Variants in PTPRZ1 observed in about 807,000 individuals in gnomAD.
PTPRZ1 encodes receptor-type tyrosine-protein phosphatase zeta.
Under a neutral mutation model 214.1 loss-of-function variants are expected in PTPRZ1, and 82 were observed. The observed-to-expected ratio is 0.38, with a 90% CI of 0.32 to 0.46. The LOEUF is 0.46. PTPRZ1 is among the 20% of genes least tolerant of loss of function. The pLI, the probability that PTPRZ1 is intolerant of heterozygous loss-of-function variation, is 1.00. For missense variants in PTPRZ1, 2,603 were observed against 2,748.7 expected, an observed-to-expected ratio of 0.95 and a Z score of 1.19; for synonymous variants, 945 against 987.9, an observed-to-expected ratio of 0.96 and a Z score of 0.81.
intron 13 of PTPRZ1, among the ~76,000 whole-genome samples, chr7:122,025,296 G>A (rs1438444098): frequency 6.6e-6 from 1 of 151,060 alleles, no homozygotes; most frequent in East Asian, 1.9e-4. Context: ...GATTGATTAG[G>A]TGTATTTTTC....
intron 3 of PTPRZ1, among the ~76,000 whole-genome samples, chr7:121,968,645 TTTA>T (rs1288512319): frequency 3.0e-5 from 4 of 131,704 alleles, no homozygotes; most frequent in Admixed American, 7.9e-5. Flanking sequence ...TTTTTTTTTT[TTTA>T]AAAAAAAGCA....
At chr7:121,987,754 C>T (rs1797801835) in intron 8 of PTPRZ1, among the ~76,000 whole-genome samples, 1 of 151,978 alleles carries the variant, frequency 6.6e-6, no homozygotes, top group Admixed American at 6.6e-5. Context: ...GTGCTAGTCA[C>T]AATAGCAAAG....
rs1451120109 is a variant in PTPRZ1, at chr7:121,968,085, A to G, written c.259A>G (p.Lys87Glu). 1.2e-6 allele frequency: 2 copies of G among 1,606,782 alleles called. No individual in the cohort carries two copies. Among genetic ancestry groups the G allele is most frequent in the Non-Finnish European group, 1.7e-6 (2 of 1,177,006 alleles). Reference protein sequence around the residue: ...LKKLKFQGWDKTSLENTFIHN... With the variant: ...LKKLKFQGWDETSLENTFIHN... ...GAAACTTAAATTTCAGGGTTGGGAT[A>G]AAACATCATTGGAAAACACATTCAT... Residue 87 changes from lysine (K) to glutamate (E), a missense_variant, in exon 3 of 30, where the codon AAA becomes GAA. This residue lies in a region of PTPRZ1 where 141 missense variants were observed against 143.7 expected (regional missense o/e 0.98). Coordinates refer to ENST00000393386, the MANE Select transcript of PTPRZ1 (RefSeq NM_002851.3).
In PTPRZ1 at chr7:122,013,351, T is replaced by C. The variant is rs748572193; in HGVS notation, c.4305T>C (p.Asp1435=). The part of the protein sequence containing the change: ...GDDDDDDRGS[D]GLSIHKCMSC... ...ATGATGATGATGACAGAGGTAGTGA[T>C]GGCTTATCCATTCATAAGTGTATGT... Residue 1435 remains aspartate, a synonymous_variant, in exon 12 of 30, where the codon GAT becomes GAC. Coordinates refer to ENST00000393386, the MANE Select transcript of PTPRZ1 (RefSeq NM_002851.3). 7 of 1,614,130 alleles carry C rather than the reference T, an allele frequency of 4.3e-6. No individual in the cohort carries two copies. In the South Asian group the frequency reaches 7.7e-5, roughly 18 times the overall value.
Position 122,012,595 on chromosome 7 carries a change from A to G in PTPRZ1, c.3549A>G (p.Gln1183=). The G allele has an allele frequency of 1.9e-6, 3 of 1,613,384 alleles. No homozygotes were observed. The highest frequency in any genetic ancestry group is 2.5e-6 in the Non-Finnish European group (3 of 1,179,356). ...SASFSTEVLL[Q]PSFQASDVDT... The stretch of plus-strand genomic sequence containing the variant: ...CTTTTAGTACTGAAGTATTGCTACA[A>G]CCTTCCTTTCAGGCTTCTGATGTTG... Residue 1183 remains glutamine (Q), a synonymous_variant, in exon 12 of 30, where the codon CAA becomes CAG. Transcript: ENST00000393386.
At chr7:121,999,853 CATT>C (rs1798267487) in intron 10 of PTPRZ1, among the ~76,000 whole-genome samples, 1 of 151,954 alleles carries the variant, frequency 6.6e-6, no homozygotes, top group Non-Finnish European at 1.5e-5. Context: ...ATTCTTCTAT[CATT>C]TGTTGTATTT....
At chr7:121,889,950 A>G (rs552025607) in intron 1 of PTPRZ1, among the ~76,000 whole-genome samples, 95 of 152,268 alleles carry the variant, frequency 6.2e-4, no homozygotes, top group African/African-American at 2.2e-3. Context: ...CTCACTAGCC[A>G]CATACATTGT....
At position 121,975,168 on chromosome 7, in the gene PTPRZ1, C is replaced by T. The variant is rs181348527; in HGVS notation, c.457-1005C>T. ...TGCCACTGCATTCCAGCCTGAGTGA[C>T]AGAGTGAGACCCCCTCTCAAAACAA... On this transcript the variant is annotated intron_variant, in intron 4 of 29. Coordinates refer to ENST00000393386, the MANE Select transcript of PTPRZ1 (RefSeq NM_002851.3). Among the ~76,000 whole-genome samples, 10 of 152,296 alleles carry T rather than the reference C, an allele frequency of 6.6e-5. No individual in the cohort carries two copies. In the East Asian group the frequency reaches 1.9e-3, roughly 29 times the overall value.
chr7:121,973,426 T>TAA (rs1323255070), intron 4 of PTPRZ1, among the ~76,000 whole-genome samples: 12 of 152,302 alleles, frequency 7.9e-5, no homozygotes, highest in Admixed American at 5.9e-4. Context: ...ACATTAAAAT[T>TAA]AATTAAATAT....
intron 1 of PTPRZ1, among the ~76,000 whole-genome samples, chr7:121,902,417 T>A (rs1320770404): frequency 6.6e-6 from 1 of 152,200 alleles, no homozygotes; most frequent in Non-Finnish European, 1.5e-5. Context: ...GTTCTAATTT[T>A]AATTTTTTGA....
rs978937517 is a variant in PTPRZ1 at position 122,061,276 on chromosome 7, T to C, written c.*56T>C. 6 of 1,430,378 alleles carry C rather than the reference T, an allele frequency of 4.2e-6. No homozygotes were observed. In the African/African-American group the frequency reaches 8.6e-5, roughly 20 times the overall value. The allele number at this position is 1,430,378 out of a possible 1,614,324, so 88.6% of individuals were successfully genotyped here. Reference sequence around the variant, plus strand: ...AGCATTGTTTTCCTCTTCCTAAAATTAGGCAGGAAAATCAGTCTAGTTCTG... The same window carrying C: ...AGCATTGTTTTCCTCTTCCTAAAATCAGGCAGGAAAATCAGTCTAGTTCTG... On this transcript the variant is annotated 3_prime_UTR_variant, in exon 30 of 30. Coordinates refer to ENST00000393386, the MANE Select transcript of PTPRZ1 (RefSeq NM_002851.3).
At chr7:121,889,097 C>T (rs932683107) in intron 1 of PTPRZ1, among the ~76,000 whole-genome samples, 2 of 149,548 alleles carry the variant, frequency 1.3e-5, no homozygotes, top group South Asian at 4.3e-4. Flanking sequence ...ATACTTTCAT[C>T]CCACTTTCAA....
In PTPRZ1 at chr7:122,012,164, G is replaced by A; in HGVS notation, c.3118G>A (p.Ala1040Thr). Reference sequence around the variant, plus strand: ...ATCTGTGTTTGGTGATGATAATAAGGCGCTTTCTAAAAGTGAAATAATATA... The same window carrying A: ...ATCTGTGTTTGGTGATGATAATAAGACGCTTTCTAAAAGTGAAATAATATA... ...TTSVFGDDNK[A>T]LSKSEIIYGN... Residue 1040 changes from alanine (A) to threonine (T), a missense_variant, in exon 12 of 30, where the codon GCG becomes ACG. By Grantham distance (58) the Ala-to-Thr change is moderately conservative. Transcript: ENST00000393386. The A allele has an allele frequency of 6.2e-7, 1 of 1,613,864 alleles. No individual in the cohort carries two copies. The highest frequency in any genetic ancestry group is 8.5e-7 in the Non-Finnish European group (1 of 1,179,838).
intron 1 of PTPRZ1, among the ~76,000 whole-genome samples, chr7:121,911,771 A>AAT (rs1795283860): frequency 2.7e-5 from 2 of 74,734 alleles, no homozygotes; most frequent in Non-Finnish European, 4.7e-5. Context: ...TATTTTGGAA[A>AAT]CTTTAATTTT....
At chr7:122,007,068 A>G (rs1798513444) in intron 11 of PTPRZ1, among the ~76,000 whole-genome samples, 1 of 152,100 alleles carries the variant, frequency 6.6e-6, no homozygotes, top group African/African-American at 2.4e-5. Context: ...GAATGAATGG[A>G]GACAGGTGGA....
At chr7:121,955,874 T>A (rs935540157) in intron 2 of PTPRZ1, among the ~76,000 whole-genome samples, 3 of 152,238 alleles carry the variant, frequency 2.0e-5, no homozygotes, top group African/African-American at 7.2e-5. Flanking sequence ...TTTAATTAAA[T>A]ACTTGATACC....
At position 122,015,875 on chromosome 7, in the gene PTPRZ1, A is replaced by C. The variant is rs533712257; in HGVS notation, c.4843+1986A>C. Reference sequence around the variant, plus strand: ...TATCAAGTAACATAATTAGTGAAGTAAATAAGATCAAACAAGATTAGGGGA... The same window carrying C: ...TATCAAGTAACATAATTAGTGAAGTCAATAAGATCAAACAAGATTAGGGGA... On this transcript the variant is annotated intron_variant, in intron 12 of 29. Transcript: ENST00000393386. Among the ~76,000 whole-genome samples the C allele has an allele frequency of 3.9e-5, 6 of 152,210 alleles. No homozygotes were observed. In the South Asian group the frequency reaches 1.0e-3, roughly 26 times the overall value.
chr7:121,981,162 A>G (rs919394716), intron 6 of PTPRZ1, among the ~76,000 whole-genome samples: 12 of 152,154 alleles, frequency 7.9e-5, no homozygotes, highest in African/African-American at 2.6e-4. Context: ...AAAGAAAGAA[A>G]AGAAAGACTA....
Position 122,058,901 on chromosome 7 carries a change from A to C in PTPRZ1, c.6630A>C (p.Glu2210Asp). The C allele has an allele frequency of 1.3e-6, 2 of 1,593,842 alleles. No homozygotes were observed. Among genetic ancestry groups the C allele is most frequent in the Non-Finnish European group, 1.7e-6 (2 of 1,161,768 alleles). ...TTGAACTTATAAGTGTTATAAAAGAAGAAGCTGCCAATAGGGATGGGCCTA... is the reference window on the plus strand; with the variant it reads ...TTGAACTTATAAGTGTTATAAAAGACGAAGCTGCCAATAGGGATGGGCCTA... ...KTFELISVIK[E>D]EAANRDGPMI... Residue 2210 changes from glutamate to aspartate, a missense_variant, in exon 28 of 30, where the codon GAA becomes GAC. Transcript: ENST00000393386.
Sources: gnomAD v4.1 joint callset for allele counts (sites outside exome capture counted in the v4.1 genomes callset) on GRCh38, gnomAD v4.1.1 for gene constraint, gnomAD v4.1.1 regional missense constraint, MANE v1.5 for transcripts, NCBI Gene and HGNC (gene_info 2026-07-23, HGNC 2026-07-21) for gene names.